The following ITIH4 variants were observed in gnomAD, a reference collection of about 807,000 sequenced individuals.
ITIH4 encodes the protein inter-alpha-trypsin inhibitor heavy chain H4.
Under a neutral mutation model 111.8 loss-of-function variants are expected in ITIH4, and 79 were observed. That is an observed-to-expected ratio of 0.71 (90% confidence interval 0.59 to 0.85). The LOEUF is 0.85. Ranked by LOEUF, ITIH4 falls within the 40% of genes least tolerant of loss-of-function variation. The pLI is 0.00. For synonymous variants in ITIH4, 472 were observed against 468.3 expected, an observed-to-expected ratio of 1.01 and a Z score of -0.10; for missense variants, 1,065 against 1,195.8, an observed-to-expected ratio of 0.89 and a Z score of 1.61.
At chr3:52,818,429 C>A (rs1700316982) in intron 18 of ITIH4, 33 bp downstream of exon 18, 1 of 1,584,102 alleles carries the variant, frequency 6.3e-7, no homozygotes, top group South Asian at 1.1e-5. Context: ...CAGGATCCCC[C>A]TGTTAGGACA....
At chr3:52,826,501 G>C (rs774591471) in intron 5 of ITIH4, 40 bp downstream of exon 5, 2 of 1,482,378 alleles carry the variant, frequency 1.3e-6, no homozygotes, top group Non-Finnish European at 1.9e-6. Flanking sequence ...CTGAAGGCAG[G>C]GCCCTTGGTA....
At chr3:52,828,341 T>C (rs139960922) in intron 2 of ITIH4, among the ~76,000 whole-genome samples, 27 of 152,250 alleles carry the variant, frequency 1.8e-4, no homozygotes, top group African/African-American at 3.6e-4. Flanking sequence ...TTAGGAAAAG[T>C]AGAGGCTGCG....
chr3:52,821,011 G>A lies in ITIH4; in HGVS notation c.1659C>T (p.Ile553=). ...CTCACGTTTGCTCCAGCAGCTGCTG[G>A]ATAGTCAGGTATGCCCAGAGCCTCT... ...FMERLWAYLT[I]QQLLEQTVSA... is the part of the protein sequence containing the mutation. The change falls in exon 12 of 24, where the codon ATC becomes ATT. Residue 553 remains isoleucine (I), a synonymous_variant. Transcript: ENST00000266041. 3 of 1,614,090 alleles carry A rather than the reference G, an allele frequency of 1.9e-6. No homozygotes were observed. Among genetic ancestry groups the A allele is most frequent in the Non-Finnish European group, 2.5e-6 (3 of 1,180,012 alleles).
At chr3:52,815,384 C>G (rs148245902) in intron 21 of ITIH4, among the ~76,000 whole-genome samples, 95 of 151,950 alleles carry the variant, frequency 6.3e-4, no homozygotes, top group African/African-American at 2.2e-3. Context: ...GCTGGGATTA[C>G]AGGCGTGCCA....
chr3:52,819,558 G>T, intron 16 of ITIH4, 40 bp from the exon 17 acceptor site: 18 of 1,612,928 alleles, frequency 1.1e-5, no homozygotes, highest in Non-Finnish European at 1.4e-5. Flanking sequence ...TCTCAGGTGG[G>T]GTGTGGGTCT....
Position 52,826,462 on chromosome 3 carries a change from T to G in ITIH4, c.630+79A>C. On this transcript the variant is annotated intron_variant, in intron 5 of 23. Transcript: ENST00000266041. The stretch of plus-strand genomic sequence containing the variant: ...CACAGGAGGGAGAGCCCATCCTGCT[T>G]TCCAGAAATCCGGGCTCATAGGGCT... 2.2e-5 allele frequency: 23 copies of G among 1,057,942 alleles called. No homozygotes were observed. The South Asian group carries it at 2.7e-4, about 12-fold the overall frequency. The allele number at this position is 1,057,942 out of a possible 1,614,324, so 65.5% of individuals were successfully genotyped here. A position where few individuals can be genotyped will look rare whatever the true frequency, so the allele number is the denominator to read the frequency against.
chr3:52,823,912 T>G lies in ITIH4; in HGVS notation c.1264A>C (p.Ser422Arg), dbSNP rs1487324654. The G allele has an allele frequency of 2.5e-6, 4 of 1,612,264 alleles. No homozygotes were observed. Among genetic ancestry groups the G allele is most frequent in the Non-Finnish European group, 3.4e-6 (4 of 1,179,342 alleles). The change falls in exon 10 of 24, where the codon AGC (serine) becomes CGC (arginine). Residue 422 changes from serine to arginine, a missense_variant. Physicochemically the swap from Ser to Arg is moderately radical, Grantham distance 110. Coordinates refer to ENST00000266041, the MANE Select transcript of ITIH4 (RefSeq NM_002218.5). Reference sequence around the variant, plus strand: ...GCCAGCTTCTCCAGGAAGGCATAGCTGACGTCGAAACCGAAGCCCAGGCAG... The same window carrying G: ...GCCAGCTTCTCCAGGAAGGCATAGCGGACGTCGAAACCGAAGCCCAGGCAG... Reference protein sequence around the residue: ...LFCLGFGFDVSYAFLEKLALD... With the variant: ...LFCLGFGFDVRYAFLEKLALD...
intron 2 of ITIH4, among the ~76,000 whole-genome samples, chr3:52,828,180 G>A (rs1275759944): frequency 1.3e-5 from 2 of 152,194 alleles, no homozygotes; most frequent in Non-Finnish European, 2.9e-5. Flanking sequence ...AACAGGTTCT[G>A]GGTCTAGAGA....
In ITIH4 at chr3:52,826,825, T is replaced by G. The variant is rs1246067904; in HGVS notation, c.485A>C (p.Lys162Thr). Reference sequence around the variant, plus strand: ...CTTGACCAGCTGCTGGGGCCGCACTTTCAGCAGCAGCTCGTACACCCCCAA... The same window carrying G: ...CTTGACCAGCTGCTGGGGCCGCACTGTCAGCAGCAGCTCGTACACCCCCAA... Reference protein sequence around the residue: ...RRLGVYELLLKVRPQQLVKHL... With the variant: ...RRLGVYELLLTVRPQQLVKHL... Residue 162 changes from lysine to threonine, a missense_variant, in exon 4 of 24, where the codon AAA becomes ACA. Lys to Thr is a moderately conservative substitution (Grantham distance 78). Transcript: ENST00000266041. The G allele has an allele frequency of 1.2e-5, 19 of 1,613,804 alleles. No individual in the cohort carries two copies. The highest frequency in any genetic ancestry group is 1.6e-5 in the Non-Finnish European group (19 of 1,180,014).
rs996094897 is a variant in ITIH4 at position 52,824,710 on chromosome 3, A to G, written c.876+132T>C. ...CAGGGGCTGCCCTAGGCTCTGGCCA[A>G]CCTTGGTTCCTGAGAGCCACCCGCC... On this transcript the variant is annotated intron_variant, in intron 7 of 23. Transcript: ENST00000266041. This position sits in a 1 kb window ranked among gnomAD's most constrained non-coding sequence, Gnocchi z 4.3. 1.9e-5 allele frequency: 24 copies of G among 1,265,000 alleles called. No individual in the cohort carries two copies. The highest frequency in any genetic ancestry group is 4.7e-5 in the East Asian group (2 of 42,922). The allele number at this position is 1,265,000 out of a possible 1,614,324, so 78.4% of individuals were successfully genotyped here.
chr3:52,821,242 C>T, intron 11 of ITIH4, 112 bp from the exon 12 acceptor site: 2 of 1,262,062 alleles, frequency 1.6e-6, no homozygotes, highest in Admixed American at 2.1e-5. Context: ...CACACACTGA[C>T]TGTGGGGACT....
chr3:52,822,634 C>T (rs1210194941), intron 11 of ITIH4, among the ~76,000 whole-genome samples: 1 of 152,176 alleles, frequency 6.6e-6, no homozygotes, highest in Admixed American at 6.5e-5. Flanking sequence ...AGTGACTTCT[C>T]CATGTCTCCT....
Position 52,824,247 on chromosome 3 carries a change from G to A in ITIH4, c.1114C>T (p.Leu372=). ...ATGAGTGAGACACTCCCTTCGGGCA[G>A]CCGCTCCTCCTGGTTGCTGCTGTCC... The part of the protein sequence containing the change: ...LLDSSNQEER[L]PEGSVSLIIL... The change falls in exon 9 of 24, where the codon CTG becomes TTG. Residue 372 remains leucine (L), a synonymous_variant. Coordinates refer to ENST00000266041, the MANE Select transcript of ITIH4 (RefSeq NM_002218.5). The surrounding 1 kb of genome is among the most constrained non-coding windows in gnomAD (Gnocchi z 4.3). 1 of 1,613,544 alleles carries A rather than the reference G, an allele frequency of 6.2e-7. No individual in the cohort carries two copies. Among genetic ancestry groups the A allele is most frequent in the East Asian group, 2.2e-5 (1 of 44,870 alleles).
In ITIH4 at chr3:52,824,077, C is replaced by A; in HGVS notation, c.1172-73G>T. 1.9e-6 allele frequency: 3 copies of A among 1,555,808 alleles called. No homozygotes were observed. Among genetic ancestry groups the A allele is most frequent in the Non-Finnish European group, 2.6e-6 (3 of 1,148,958 alleles). On this transcript the variant is annotated intron_variant, in intron 9 of 23. Coordinates refer to ENST00000266041, the MANE Select transcript of ITIH4 (RefSeq NM_002218.5). This position sits in a 1 kb window ranked among gnomAD's most constrained non-coding sequence, Gnocchi z 4.3. ...GAAGAATATTTCTGGAACCTCAGAG[C>A]CGAGGGGCCTCAGTGACCCCCTCTC...
chr3:52,813,190 G>A lies in ITIH4; in HGVS notation c.*231C>T. On this transcript the variant is annotated 3_prime_UTR_variant, in exon 24 of 24. Coordinates refer to ENST00000266041, the MANE Select transcript of ITIH4 (RefSeq NM_002218.5). ...TCCTGGCCATGGGCTCTTGAGAGCTGACAGTGGAAGCTTCTGTGTTCCACG... is the reference window on the plus strand; with the variant it reads ...TCCTGGCCATGGGCTCTTGAGAGCTAACAGTGGAAGCTTCTGTGTTCCACG... The A allele has an allele frequency of 1.9e-6, 1 of 532,060 alleles. No individual in the cohort carries two copies. Among genetic ancestry groups the A allele is most frequent in the Non-Finnish European group, 3.4e-6 (1 of 297,864 alleles). The allele number at this position is 532,060 out of a possible 1,614,324, so 33.0% of individuals were successfully genotyped here. A position where few individuals can be genotyped will look rare whatever the true frequency, so the allele number is the denominator to read the frequency against.
intron 1 of ITIH4, among the ~76,000 whole-genome samples, chr3:52,829,519 CA>C (rs1473056049): frequency 6.6e-6 from 1 of 152,166 alleles, no homozygotes; most frequent in Admixed American, 6.5e-5. Flanking sequence ...GGGCAGGGGC[CA>C]CGTCCTTCTT....
Position 52,813,120 on chromosome 3 carries a change from T to G in ITIH4, c.*301A>C. The G allele has an allele frequency of 3.1e-6, 1 of 326,404 alleles. No homozygotes were observed. Among genetic ancestry groups the G allele is most frequent in the Non-Finnish European group, 5.6e-6 (1 of 178,694 alleles). 20.2% of individuals were successfully genotyped at this position (326,404 alleles called of 1,614,324 possible). Reference sequence around the variant, plus strand: ...ATGGGTGGTTCGAGCTCAGTTTCCTTGTTTGTAAAATGAAGGGGCTGGACT... The same window carrying G: ...ATGGGTGGTTCGAGCTCAGTTTCCTGGTTTGTAAAATGAAGGGGCTGGACT... On this transcript the variant is annotated 3_prime_UTR_variant, in exon 24 of 24. Coordinates refer to ENST00000266041, the MANE Select transcript of ITIH4 (RefSeq NM_002218.5).
At chr3:52,819,247 G>C (rs2154111294) in intron 17 of ITIH4, 146 bp downstream of exon 17, 3 of 866,092 alleles carry the variant, frequency 3.5e-6, no homozygotes, top group Middle Eastern at 3.6e-4. Flanking sequence ...AGGTTGAACT[G>C]ACCCACAATT....
intron 14 of ITIH4, 137 bp downstream of exon 14, chr3:52,820,154 C>T (rs760579964): frequency 2.1e-4 from 282 of 1,347,550 alleles, no homozygotes; most frequent in Non-Finnish European, 2.7e-4. Context: ...GATTACACTG[C>T]CTCCTGGCAG....
Sources: allele counts gnomAD v4.1 joint callset (sites outside exome capture counted in the v4.1 genomes callset), GRCh38; gene constraint gnomAD v4.1.1; non-coding constraint Gnocchi (gnomAD v3.1); transcripts MANE v1.5; gene names NCBI Gene and HGNC (gene_info 2026-07-23, HGNC 2026-07-21).